DOP1A: variants seen among roughly 807,000 people sequenced by gnomAD.
DOP1A encodes protein DOP1A.
A neutral mutation model predicts 267.6 loss-of-function variants in DOP1A; 90 were observed. The ratio of observed to expected loss-of-function variants is 0.34; its 90% confidence interval spans 0.28 to 0.40. The LOEUF (loss-of-function observed/expected upper bound fraction) is 0.40. DOP1A is among the 10% of genes least tolerant of loss of function. The pLI is 1.00. For synonymous variants in DOP1A, 932 were observed against 999.1 expected (o/e 0.93, Z 1.27); for missense variants, 2,437 against 2,900.4 (o/e 0.84, Z 3.67).
intron 24 of DOP1A, among the ~76,000 whole-genome samples, chr6:83,144,103 A>G (rs910978759): frequency 2.0e-5 from 3 of 152,134 alleles, no homozygotes; most frequent in Admixed American, 6.6e-5. Flanking sequence ...CAATGTCTCA[A>G]CAACAACAAC....
At position 83,145,730 on chromosome 6, in the gene DOP1A, G is replaced by T; in HGVS notation, c.5676+72G>T. The T allele has an allele frequency of 2.8e-6, 4 of 1,448,768 alleles. No homozygotes were observed. The South Asian group carries it at 5.0e-5, about 18-fold the overall frequency. The allele number at this position is 1,448,768 out of a possible 1,614,324, so 89.7% of individuals were successfully genotyped here. ...AATTATGCTGGTAAGATTTTTTTTT[G>T]TACAATAATGTCCTTTCAATATAGT... is the stretch of plus-strand genomic sequence containing the variant. On this transcript the variant is annotated intron_variant, in intron 25 of 38. Transcript: ENST00000349129.
At chr6:83,099,008 A>G (rs1341664495) in intron 3 of DOP1A, among the ~76,000 whole-genome samples, 1 of 152,160 alleles carries the variant, frequency 6.6e-6, no homozygotes, top group African/African-American at 2.4e-5. Context: ...TGTTACGGCC[A>G]GCTCCGAGAC....
At chr6:83,162,751 T>C in intron 37 of DOP1A, 39 bp from the exon 38 acceptor site, 1 of 1,567,162 alleles carries the variant, frequency 6.4e-7, no homozygotes, top group Non-Finnish European at 8.7e-7. Context: ...TGGCACAAAG[T>C]CTGTCTTACT....
In DOP1A at chr6:83,150,383, T is replaced by C. The variant is rs368279013; in HGVS notation, c.5838-1210T>C. 1.2e-4 allele frequency among the ~76,000 whole-genome samples: 17 copies of C among 144,590 alleles called. No individual in the cohort carries two copies. In the East Asian group the frequency reaches 3.2e-3, roughly 27 times the overall value. The allele number at this position is 144,590 out of a possible 152,430, so 94.9% of individuals were successfully genotyped here. ...AAGTTCATTTGTTGTGATCTGTAGCTGTTCCCCTTTCCTTACATGCCTTTT... is the reference window on the plus strand; with the variant it reads ...AAGTTCATTTGTTGTGATCTGTAGCCGTTCCCCTTTCCTTACATGCCTTTT... On this transcript the variant is annotated intron_variant, in intron 27 of 38. Transcript: ENST00000349129.
Position 83,140,044 on chromosome 6 carries a change from C to G in DOP1A, c.5165C>G (p.Thr1722Ser), listed in dbSNP as rs1269051496. The G allele has an allele frequency of 1.2e-6, 2 of 1,613,640 alleles. No homozygotes were observed. Among genetic ancestry groups the G allele is most frequent in the Non-Finnish European group, 1.7e-6 (2 of 1,179,768 alleles). ...ASIIPPDMIL[T>S]LLEGITAIIH... ...ATTATTCCACCAGATATGATTCTTA[C>G]TCTTTTGGAAGGGATTACAGCCATT... The change falls in exon 22 of 39, where the codon ACT (threonine) becomes AGT (serine). Residue 1722 changes from threonine to serine, a missense_variant. Thr to Ser is a moderately conservative substitution (Grantham distance 58). Around this residue, in one of 9 missense-constraint regions of DOP1A, gnomAD observed 307 missense variants for 308.6 expected, o/e 0.99. Coordinates refer to ENST00000349129, the MANE Select transcript of DOP1A (RefSeq NM_015018.4).
intron 1 of DOP1A, among the ~76,000 whole-genome samples, chr6:83,075,992 G>T (rs955376261): frequency 2.6e-5 from 4 of 152,166 alleles, no homozygotes; most frequent in Admixed American, 2.0e-4. Context: ...AAATAGGATT[G>T]TATTAATCTT....
At position 83,138,971 on chromosome 6, in the gene DOP1A, A is replaced by C. The variant is rs746959570; in HGVS notation, c.4929A>C (p.Ala1643=). 1 of 1,614,004 alleles carries C rather than the reference A, an allele frequency of 6.2e-7. No individual in the cohort carries two copies. Among genetic ancestry groups the C allele is most frequent in the Non-Finnish European group, 8.5e-7 (1 of 1,179,972 alleles). Reference sequence around the variant, plus strand: ...CATGTCAAGGCATGTTCCTCTGTGCAGTGATACGAGCTTTGCATCAGCACT... The same window carrying C: ...CATGTCAAGGCATGTTCCTCTGTGCCGTGATACGAGCTTTGCATCAGCACT... The part of the protein sequence containing the change: ...PITCQGMFLC[A]VIRALHQHCA... The change falls in exon 21 of 39, where the codon GCA becomes GCC. Residue 1643 remains alanine, a synonymous_variant. Coordinates refer to ENST00000349129, the MANE Select transcript of DOP1A (RefSeq NM_015018.4).
At chr6:83,120,933 T>C (rs1776270703) in intron 10 of DOP1A, 142 bp downstream of exon 10, 4 of 536,836 alleles carry the variant, frequency 7.5e-6, no homozygotes, top group Non-Finnish European at 9.2e-6. Context: ...AAGTTCACTC[T>C]ACAAAGTTAA....
intron 3 of DOP1A, 50 bp from the exon 4 acceptor site, chr6:83,100,655 T>C: frequency 1.6e-6 from 2 of 1,261,102 alleles, no homozygotes; most frequent in Non-Finnish European, 2.1e-6. Context: ...GGAAGTAAAA[T>C]GAATGCAATA....
At chr6:83,144,121 A>G (rs1289703706) in intron 24 of DOP1A, among the ~76,000 whole-genome samples, 1 of 152,204 alleles carries the variant, frequency 6.6e-6, no homozygotes, top group African/African-American at 2.4e-5. Flanking sequence ...AACAACAAGG[A>G]AAATTGCCAT....
intron 1 of DOP1A, among the ~76,000 whole-genome samples, chr6:83,094,162 A>G (rs542585190): frequency 6.6e-6 from 1 of 152,274 alleles, no homozygotes; most frequent in South Asian, 2.1e-4. Flanking sequence ...AAATGGAATC[A>G]TATACTATGT....
At chr6:83,171,330 TAATAA>T (rs1787064581), downstream of DOP1A, 1 of 152,314 alleles carries the variant, frequency 6.6e-6, no homozygotes, top group African/African-American at 2.4e-5. Context: ...TAATTTTCCA[TAATAA>T]AATCTCTTTA....
chr6:83,098,444 G>A (rs73752520), intron 3 of DOP1A, among the ~76,000 whole-genome samples: 195 of 152,286 alleles, frequency 1.3e-3, no homozygotes, highest in Middle Eastern at 0.01. Flanking sequence ...CCCACAGGTT[G>A]AGGGCTGAGC....
At position 83,132,386 on chromosome 6, in the gene DOP1A, A is replaced by AC. The variant is rs1562338464; in HGVS notation, c.2769+58_2769+59insC. On this transcript the variant is annotated intron_variant, in intron 18 of 38. Transcript: ENST00000349129. ...TCCGCCACACACACACACACACACA[A>AC]ATACTGAAAAGTAAGAAAACTTTAG... The AC allele has an allele frequency of 3.0e-4, 228 of 768,644 alleles. No individual in the cohort carries two copies. In the African/African-American group the frequency reaches 3.6e-3, roughly 12 times the overall value. The allele number at this position is 768,644 out of a possible 1,614,324, so 47.6% of individuals were successfully genotyped here. A position where few individuals can be genotyped will look rare whatever the true frequency, so the allele number is the denominator to read the frequency against.
intron 1 of DOP1A, among the ~76,000 whole-genome samples, chr6:83,086,899 G>A (rs1356223950): frequency 6.6e-6 from 1 of 151,448 alleles, no homozygotes; most frequent in Non-Finnish European, 1.5e-5. Context: ...GAAAGGCTAT[G>A]GGTTTTAATT....
chr6:83,157,082 C>A, intron 34 of DOP1A, 100 bp from the exon 35 acceptor site: 1 of 1,173,190 alleles, frequency 8.5e-7, no homozygotes, highest in Non-Finnish European at 1.2e-6. Context: ...TAAAGTTTAT[C>A]CTTTACTACA....
chr6:83,164,797 T>C (rs1473353246), intron 38 of DOP1A: 10 of 1,208,976 alleles, frequency 8.3e-6, no homozygotes, highest in Non-Finnish European at 1.2e-5. Flanking sequence ...GGTCTGAATG[T>C]CAACAAGTAC....
intron 19 of DOP1A, 118 bp downstream of exon 19, chr6:83,134,405 A>G (rs1296395097): frequency 2.8e-6 from 2 of 715,064 alleles, no homozygotes; most frequent in East Asian, 6.3e-5. Context: ...TTTTATAAAG[A>G]GAATTTATTA....
At chr6:83,100,423 A>T (rs1016388647) in intron 3 of DOP1A, among the ~76,000 whole-genome samples, 1 of 152,184 alleles carries the variant, frequency 6.6e-6, no homozygotes, top group Admixed American at 6.5e-5. Context: ...ACCAAAAAAA[A>T]TCTAAAATAC....
Sources: allele counts gnomAD v4.1 joint callset (sites outside exome capture counted in the v4.1 genomes callset), GRCh38; gene constraint gnomAD v4.1.1; regional missense constraint gnomAD v4.1.1; transcripts MANE v1.5; gene names NCBI Gene and HGNC (gene_info 2026-07-23, HGNC 2026-07-21).